The following CHRNA7 variants were observed in gnomAD, a reference collection of about 807,000 sequenced individuals.
CHRNA7 encodes the protein cholinergic receptor nicotinic alpha 7 subunit.
Under a neutral mutation model 48.0 loss-of-function variants are expected in CHRNA7, and 17 were observed. The ratio of observed to expected loss-of-function variants is 0.35; its 90% confidence interval spans 0.24 to 0.53. CHRNA7 has a LOEUF of 0.53. Among genes scored for constraint, CHRNA7 ranks in the 20% least tolerant of loss-of-function variants. The probability of loss-of-function intolerance (pLI) is 0.92; values close to 1 mark genes in which losing one functional copy is unlikely to be tolerated. For synonymous variants in CHRNA7, 75 were observed against 242.3 expected (o/e 0.31, Z 6.41); for missense variants, 155 against 577.7 (o/e 0.27, Z 7.50).
chr15:32,035,441 C>T (rs1902039035), intron 2 of CHRNA7, among the ~76,000 whole-genome samples: 1 of 152,096 alleles, frequency 6.6e-6, no homozygotes, highest in Non-Finnish European at 1.5e-5. Flanking sequence ...ACAAGATTGA[C>T]TATTTTGGTA....
At chr15:32,152,193 T>TA (rs1156778015) in intron 4 of CHRNA7, among the ~76,000 whole-genome samples, 1 of 146,964 alleles carries the variant, frequency 6.8e-6, no homozygotes, top group Non-Finnish European at 1.5e-5. Flanking sequence ...CCTGTAATCC[T>TA]AGCACTTTGA....
intron 2 of CHRNA7, among the ~76,000 whole-genome samples, chr15:32,078,340 T>A (rs575303953): frequency 3.9e-5 from 6 of 152,320 alleles, no homozygotes; most frequent in Non-Finnish European, 8.8e-5. Context: ...CTTCTAGTTT[T>A]ATAGTTTTGC....
In CHRNA7 at chr15:32,149,917, G is replaced by A. The variant is rs1595504738; in HGVS notation, c.351-3990G>A. On this transcript the variant is annotated intron_variant, in intron 4 of 9. Transcript: ENST00000306901. This position sits in a 1 kb window ranked among gnomAD's most constrained non-coding sequence, Gnocchi z 4.6. The stretch of plus-strand genomic sequence containing the variant: ...GAATCACTGATCTAACAGATGCTCA[G>A]TCTTGATTATAAATATGAAAATCAG... Among the ~76,000 whole-genome samples, 1 of 151,742 alleles carries A rather than the reference G, an allele frequency of 6.6e-6. No individual in the cohort carries two copies. The highest frequency in any genetic ancestry group is 6.6e-5 in the Admixed American group (1 of 15,238).
At chr15:32,054,952 T>C (rs1217987467) in intron 2 of CHRNA7, among the ~76,000 whole-genome samples, 3 of 152,254 alleles carry the variant, frequency 2.0e-5, no homozygotes, top group Non-Finnish European at 4.4e-5. Flanking sequence ...TTAACTTTTC[T>C]GGATGATGCT....
intron 3 of CHRNA7, chr15:32,111,425 C>CT (rs1285920845): frequency 5.7e-6 from 1 of 176,320 alleles, no homozygotes; most frequent in African/African-American, 2.4e-5. Context: ...AAGTGAATTC[C>CT]TTTTTTCGAA....
intron 2 of CHRNA7, among the ~76,000 whole-genome samples, chr15:32,079,693 T>A (rs2050186804): frequency 6.6e-6 from 1 of 151,476 alleles, no homozygotes; most frequent in South Asian, 2.1e-4. Flanking sequence ...ATAGGAAAAA[T>A]CAATATCATG....
intron 2 of CHRNA7, among the ~76,000 whole-genome samples, chr15:32,069,710 A>G (rs949888623): frequency 1.3e-5 from 2 of 152,198 alleles, no homozygotes; most frequent in South Asian, 2.1e-4. Flanking sequence ...AGATAATTTT[A>G]TCATACATTA....
chr15:32,108,894 GA>G (rs2050717032), intron 3 of CHRNA7, among the ~76,000 whole-genome samples: 1 of 152,184 alleles, frequency 6.6e-6, no homozygotes, highest in Non-Finnish European at 1.5e-5. Context: ...TGATTTACCT[GA>G]ACAAGCTCAC....
At position 32,047,971 on chromosome 15, in the gene CHRNA7, A is replaced by G. The variant is rs576798367; in HGVS notation, c.195+16934A>G. Among the ~76,000 whole-genome samples the G allele has an allele frequency of 4.3e-3, 659 of 152,264 alleles. 4 individuals carry two copies. The highest frequency in any genetic ancestry group is 7.6e-3 in the Non-Finnish European group (514 of 68,018). On this transcript the variant is annotated intron_variant, in intron 2 of 9. Coordinates refer to ENST00000306901, the MANE Select transcript of CHRNA7 (RefSeq NM_000746.6). ...TGGTTCTGTTTATATGCTGGATTAC[A>G]TTTATTGATTTGCGTATATTGAACC...
intron 4 of CHRNA7, among the ~76,000 whole-genome samples, chr15:32,121,765 A>G (rs2050975047): frequency 6.6e-6 from 1 of 152,174 alleles, no homozygotes; most frequent in Non-Finnish European, 1.5e-5. Context: ...ATGGAAAGAT[A>G]TGTAAGTTAG....
intron 2 of CHRNA7, chr15:32,100,375 C>T (rs2050549819): frequency 1.3e-5 from 2 of 152,186 alleles, no homozygotes; most frequent in Admixed American, 6.5e-5. Context: ...CATGCTGAAT[C>T]ACAACATTCT....
chr15:32,052,197 AT>A (rs34316175), intron 2 of CHRNA7, among the ~76,000 whole-genome samples: 3,515 of 146,520 alleles, frequency 0.024, 99 homozygotes, highest in African/African-American at 0.073. Context: ...CTTAAGCATG[AT>A]TTTTTTTTTT....
At chr15:32,082,260 G>A (rs2050228370) in intron 2 of CHRNA7, among the ~76,000 whole-genome samples, 1 of 151,984 alleles carries the variant, frequency 6.6e-6, no homozygotes, top group African/African-American at 2.4e-5. Flanking sequence ...TCAAATTTGT[G>A]AAGTGTTGGT....
At chr15:32,094,549 G>A (rs1055422396) in intron 2 of CHRNA7, among the ~76,000 whole-genome samples, 1 of 152,214 alleles carries the variant, frequency 6.6e-6, no homozygotes, top group Non-Finnish European at 1.5e-5. Flanking sequence ...AGGAGATATT[G>A]CCAGTTCGGG....
At chr15:32,166,204 AGTTT>A (rs2052128077) in intron 9 of CHRNA7, 1 of 152,172 alleles carries the variant, frequency 6.6e-6, no homozygotes, top group Non-Finnish European at 1.5e-5. Flanking sequence ...TTTGAACCTC[AGTTT>A]GTTGGTCTGT....
chr15:32,077,008 C>T (rs2050145539), intron 2 of CHRNA7, among the ~76,000 whole-genome samples: 2 of 152,142 alleles, frequency 1.3e-5, no homozygotes, highest in African/African-American at 4.8e-5. Flanking sequence ...TCCAGAATGT[C>T]AGCTCTGGGA....
At chr15:32,031,589 TGAGGACAGGTACTGGGAGTCCTGCTCC>T (rs1901843997) in intron 2 of CHRNA7, among the ~76,000 whole-genome samples, 1 of 152,214 alleles carries the variant, frequency 6.6e-6, no homozygotes, top group Non-Finnish European at 1.5e-5. Context: ...GCCTTCCTGG[TGAGGACAGGTACTGGGAGTCCTGCTCC>T]GAGGACTCAG....
intron 2 of CHRNA7, among the ~76,000 whole-genome samples, chr15:32,033,137 A>G (rs950163704): frequency 6.6e-6 from 1 of 152,144 alleles, no homozygotes; most frequent in Non-Finnish European, 1.5e-5. Flanking sequence ...TAGCCGTGGT[A>G]TTGGCTGTGA....
intron 4 of CHRNA7, among the ~76,000 whole-genome samples, chr15:32,114,064 A>G (rs1302337730): frequency 4.5e-5 from 6 of 133,008 alleles, no homozygotes; most frequent in African/African-American, 1.7e-4. Flanking sequence ...ATATATACAT[A>G]TATATATATA....
Sources: allele counts gnomAD v4.1 joint callset (sites outside exome capture counted in the v4.1 genomes callset), GRCh38; gene constraint gnomAD v4.1.1; non-coding constraint Gnocchi (gnomAD v3.1); transcripts MANE v1.5; gene names NCBI Gene and HGNC (gene_info 2026-07-23, HGNC 2026-07-21).